The following POLR1C variants were observed in gnomAD, a reference collection of about 807,000 sequenced individuals.
POLR1C encodes the protein RNA polymerase I and III subunit C, also known as DNA-directed RNA polymerases I and III subunit RPAC1.
In POLR1C, 42 loss-of-function variants were observed where a neutral mutation model predicts 38.3. The observed-to-expected ratio is 1.10, with a 90% CI of 0.86 to 1.42. The LOEUF (loss-of-function observed/expected upper bound fraction) is 1.42, where lower values mean the gene tolerates loss of function less well. Ranked by LOEUF, POLR1C falls within the 40% of genes most tolerant of loss-of-function variation. POLR1C has a pLI of 0.00. For synonymous variants in POLR1C, 163 were observed against 163.9 expected (o/e 0.99, Z 0.04); for missense variants, 507 against 450.5 (o/e 1.13, Z -1.14).
At chr6:43,527,405 G>T in intron 8 of POLR1C, 1 of 374,412 alleles carries the variant, frequency 2.7e-6, no homozygotes, top group Admixed American at 4.3e-5. Context: ...CTGAGTAGCT[G>T]GGACTACAGG....
At position 43,528,591 on chromosome 6, in the gene POLR1C, CAGGAGGTT is replaced by C. The variant is rs1793746056; in HGVS notation, c.923-652_923-645del. Among the ~76,000 whole-genome samples the C allele has an allele frequency of 1.3e-5, 2 of 152,088 alleles. 1 individual carries two copies. The highest frequency in any genetic ancestry group is 4.1e-4 in the South Asian group (2 of 4,830). ...CCTCTTTTTACCTCTCCTCAGTTAA[CAGGAGGTT>C]AGGAGCAGAATCTGCAACTGAAGCT... On this transcript the variant is annotated intron_variant, in intron 8 of 8. Transcript: ENST00000304004.
intron 9 of POLR1C, among the ~76,000 whole-genome samples, chr6:43,548,764 A>G (rs1795089364): frequency 6.6e-6 from 1 of 151,128 alleles, no homozygotes; most frequent in Non-Finnish European, 1.5e-5. Context: ...ATATATGGAG[A>G]TAACTGCTGT....
At chr6:43,539,214 G>C in intron 9 of POLR1C, 3 of 1,174,020 alleles carry the variant, frequency 2.6e-6, no homozygotes, top group Non-Finnish European at 3.7e-6. Context: ...CTGTGCACGG[G>C]GACAATGGAG....
chr6:43,552,383 C>T (rs191625894), intron 10 of POLR1C, among the ~76,000 whole-genome samples: 73 of 151,810 alleles, frequency 4.8e-4, no homozygotes, highest in African/African-American at 1.7e-3. Flanking sequence ...GACAGAATCC[C>T]ACTCTGTCAC....
At chr6:43,530,025 C>G (rs902604729), downstream of POLR1C, among the ~76,000 whole-genome samples, 19 of 151,984 alleles carry the variant, frequency 1.3e-4, no homozygotes, top group Admixed American at 9.8e-4. Flanking sequence ...GAGGCTGAGG[C>G]AGGCGGATTA....
chr6:43,552,641 C>CGCG (rs1795304380), intron 10 of POLR1C, among the ~76,000 whole-genome samples: 1 of 152,254 alleles, frequency 6.6e-6, no homozygotes, highest in South Asian at 2.1e-4. Flanking sequence ...GCATGAGCTA[C>CGCG]TGCGCCCGGC....
At chr6:43,519,047 A>G (rs969087044) in intron 2 of POLR1C, 7 of 459,852 alleles carry the variant, frequency 1.5e-5, no homozygotes, top group Non-Finnish European at 2.8e-5. Flanking sequence ...TAGTGTCAAC[A>G]AAACTAAGCA....
intron 10 of POLR1C, among the ~76,000 whole-genome samples, chr6:43,557,423 C>T (rs1290903584): frequency 6.6e-6 from 1 of 150,858 alleles, no homozygotes; most frequent in Non-Finnish European, 1.5e-5. Flanking sequence ...GAGACTCCAT[C>T]TCAAAAAAAA....
intron 9 of POLR1C, among the ~76,000 whole-genome samples, chr6:43,545,481 C>G (rs1794918838): frequency 6.6e-6 from 1 of 151,966 alleles, no homozygotes; most frequent in Non-Finnish European, 1.5e-5. Flanking sequence ...CCGAGGTGGA[C>G]TGATCACTTG....
At chr6:43,551,016 G>C (rs1404063000) in intron 10 of POLR1C, 1 of 243,584 alleles carries the variant, frequency 4.1e-6, no homozygotes, top group Non-Finnish European at 7.9e-6. Flanking sequence ...TCCACAGTAA[G>C]TACTGAGTAG....
chr6:43,547,793 T>C, intron 9 of POLR1C: 1 of 1,223,360 alleles, frequency 8.2e-7, no homozygotes, highest in Non-Finnish European at 1.2e-6. Flanking sequence ...GCTATCATTA[T>C]TTGGCCCTTA....
At chr6:43,525,159 G>C (rs1462798514), downstream of POLR1C, 2 of 1,585,362 alleles carry the variant, frequency 1.3e-6, no homozygotes, top group Middle Eastern at 1.7e-4. Flanking sequence ...GCAGGACAGA[G>C]TATCTTTCCA....
At chr6:43,523,618 C>T, downstream of POLR1C, 1 of 729,222 alleles carries the variant, frequency 1.4e-6, no homozygotes, top group Non-Finnish European at 2.5e-6. Flanking sequence ...GCCAAATCTC[C>T]AAGTAGAATG....
intron 9 of POLR1C, chr6:43,538,849 G>T: frequency 4.1e-6 from 5 of 1,232,430 alleles, no homozygotes; most frequent in South Asian, 1.4e-5. Flanking sequence ...CTGGAGCCTG[G>T]GTCTGCTGCA....
At chr6:43,553,301 C>T in intron 10 of POLR1C, 1 of 1,514,958 alleles carries the variant, frequency 6.6e-7, no homozygotes, top group Non-Finnish European at 8.9e-7. Context: ...TATAGCGTCC[C>T]AAAATAGAAA....
At chr6:43,525,881 C>T, downstream of POLR1C, 1 of 1,614,034 alleles carries the variant, frequency 6.2e-7, no homozygotes, top group South Asian at 1.1e-5. Context: ...TAAGCTCTGC[C>T]ATAGCTGAGG....
chr6:43,551,533 C>A, intron 10 of POLR1C: 1 of 1,540,344 alleles, frequency 6.5e-7, no homozygotes, highest in Non-Finnish European at 8.8e-7. Context: ...TTATTTTCAT[C>A]TTTTAAAGAG....
At chr6:43,543,852 T>C (rs926681813) in intron 9 of POLR1C, among the ~76,000 whole-genome samples, 4 of 152,066 alleles carry the variant, frequency 2.6e-5, no homozygotes, top group Non-Finnish European at 5.9e-5. Flanking sequence ...AATTTTTGTA[T>C]TTTTAGTAGA....
chr6:43,557,080 A>T (rs935285869), intron 10 of POLR1C, among the ~76,000 whole-genome samples: 5 of 145,580 alleles, frequency 3.4e-5, no homozygotes, highest in Non-Finnish European at 6.0e-5. Context: ...GTGAGCCGAG[A>T]GTGTGTCATT....
Sources: allele counts gnomAD v4.1 joint callset (sites outside exome capture counted in the v4.1 genomes callset), GRCh38; gene constraint gnomAD v4.1.1; transcripts MANE v1.5; gene names NCBI Gene and HGNC (gene_info 2026-07-23, HGNC 2026-07-21).